Variants in SNX31 observed in about 807,000 individuals in gnomAD.
The protein encoded by SNX31 is sorting nexin-31.
In SNX31, 58 loss-of-function variants were observed where a neutral mutation model predicts 65.4. The observed-to-expected ratio is 0.89, with a 90% confidence interval of 0.72 to 1.10. The LOEUF (loss-of-function observed/expected upper bound fraction) is 1.10, where lower values mean the gene tolerates loss of function less well. Ranked by LOEUF, SNX31 falls within the 50% of genes least tolerant of loss-of-function variation. The pLI, the probability that SNX31 is intolerant of heterozygous loss-of-function variation, is 0.00. For missense variants in SNX31, 523 were observed against 529.7 expected, an observed-to-expected ratio of 0.99 and a Z score of 0.12; for synonymous variants, 181 against 190.1, an observed-to-expected ratio of 0.95 and a Z score of 0.39.
At chr8:100,628,814 GT>G (rs1818229751) in intron 4 of SNX31, among the ~76,000 whole-genome samples, 2 of 61,270 alleles carry the variant, frequency 3.3e-5, no homozygotes, top group African/African-American at 7.2e-5. Flanking sequence ...AATAAAATGG[GT>G]GTGTGTGTGT....
intron 10 of SNX31, 51 bp downstream of exon 10, chr8:100,596,588 G>A: frequency 6.7e-7 from 1 of 1,500,152 alleles, no homozygotes; most frequent in Non-Finnish European, 9.3e-7. Flanking sequence ...TGTCATCCAA[G>A]GGTACTAGGA....
intron 2 of SNX31, among the ~76,000 whole-genome samples, chr8:100,644,501 A>T: frequency 6.6e-6 from 1 of 152,122 alleles, no homozygotes; most frequent in East Asian, 1.9e-4. Context: ...GCCAGTTCAC[A>T]CAGCAGGAAG....
At chr8:100,633,173 C>T (rs1270523261) in intron 3 of SNX31, among the ~76,000 whole-genome samples, 1 of 152,100 alleles carries the variant, frequency 6.6e-6, no homozygotes, top group Admixed American at 6.5e-5. Context: ...AAGGGATCCT[C>T]CTGCCTTAAC....
intron 2 of SNX31, among the ~76,000 whole-genome samples, chr8:100,641,354 T>C (rs2131254111): frequency 6.6e-6 from 1 of 151,272 alleles, no homozygotes; most frequent in Non-Finnish European, 1.5e-5. Context: ...CTAGGTAACA[T>C]GGCAAGATGT....
At position 100,575,396 on chromosome 8, in the gene SNX31, C is replaced by A. The variant is rs1185122792; in HGVS notation, c.1228-1436G>T. 6.6e-6 allele frequency among the ~76,000 whole-genome samples: 1 copy of A among 152,192 alleles called. No homozygotes were observed. The highest frequency in any genetic ancestry group is 1.5e-5 in the Non-Finnish European group (1 of 68,034). ...TTCATGGCTCAGGATAAGGTCTATA[C>A]AACAGTTTGCAAAATAAATTAAAAC... On this transcript the variant is annotated intron_variant, in intron 13 of 13. Transcript: ENST00000311812. This position sits in a 1 kb window ranked among gnomAD's most constrained non-coding sequence, Gnocchi z 5.1.
At chr8:100,652,839 C>T (rs1819998231), upstream of SNX31, among the ~76,000 whole-genome samples, 1 of 152,094 alleles carries the variant, frequency 6.6e-6, no homozygotes, top group Admixed American at 6.6e-5. Flanking sequence ...GTCTGGTGCT[C>T]TACACCAGAG....
chr8:100,608,605 C>T (rs748105107), intron 7 of SNX31, 42 bp from the exon 8 acceptor site: 4 of 1,591,810 alleles, frequency 2.5e-6, no homozygotes, highest in Non-Finnish European at 3.4e-6. Flanking sequence ...TGTGACATGG[C>T]CCATGGGCAC....
At chr8:100,611,453 C>T (rs376354567) in intron 7 of SNX31, among the ~76,000 whole-genome samples, 3 of 152,168 alleles carry the variant, frequency 2.0e-5, no homozygotes, top group Non-Finnish European at 2.9e-5. Flanking sequence ...TACCCCACCC[C>T]GCCCTGAGTA....
At chr8:100,606,789 T>G (rs1410042912) in intron 8 of SNX31, among the ~76,000 whole-genome samples, 1 of 152,224 alleles carries the variant, frequency 6.6e-6, no homozygotes, top group Non-Finnish European at 1.5e-5. Context: ...AACCCACTAC[T>G]CAATCTTTTG....
chr8:100,607,361 C>G (rs1011602468), intron 8 of SNX31, among the ~76,000 whole-genome samples: 1 of 152,218 alleles, frequency 6.6e-6, no homozygotes, highest in Admixed American at 6.5e-5. Context: ...ATGTTGGCGG[C>G]AGCACCGGCT....
upstream of SNX31, among the ~76,000 whole-genome samples, chr8:100,652,455 T>TTCAGG (rs1427165449): frequency 4.6e-5 from 7 of 152,212 alleles, no homozygotes; most frequent in Non-Finnish European, 1.0e-4. Context: ...GTGCTTCTTA[T>TTCAGG]GAGCCAGGCG....
At chr8:100,606,416 C>T (rs1270099857) in intron 8 of SNX31, among the ~76,000 whole-genome samples, 1 of 152,136 alleles carries the variant, frequency 6.6e-6, no homozygotes, top group African/African-American at 2.4e-5. Flanking sequence ...CAATGGTGAA[C>T]ATTAAACATT....
chr8:100,663,210 T>A (rs1191243669), exon 1 of SNX31: 2 of 151,770 alleles, frequency 1.3e-5, no homozygotes, highest in Non-Finnish European at 2.9e-5. Flanking sequence ...CACCATGCAA[T>A]ATACTCCGTC....
At chr8:100,641,205 C>T (rs909825914) in intron 2 of SNX31, among the ~76,000 whole-genome samples, 14 of 152,118 alleles carry the variant, frequency 9.2e-5, no homozygotes, top group Admixed American at 5.2e-4. Flanking sequence ...ATTCCCACCA[C>T]TCTCCACTGT....
intron 2 of SNX31, among the ~76,000 whole-genome samples, chr8:100,642,912 C>A (rs1381704602): frequency 1.3e-5 from 2 of 151,978 alleles, no homozygotes; most frequent in South Asian, 4.2e-4. Context: ...CAGAACAGGG[C>A]GGGCGTGATG....
In SNX31 at chr8:100,649,487, A is replaced by T; in HGVS notation, c.28T>A (p.Ser10Thr). The change falls in exon 1 of 14, where the codon TCC becomes ACC. Residue 10 changes from serine (S) to threonine (T), a missense_variant. Physicochemically the swap from Ser to Thr is moderately conservative, Grantham distance 58. Transcript: ENST00000311812. ...CCCAGCGCGTCGGACCGCTGCTGGG[A>T]CACCGGGATACAGAAATGCATCTTC... MKMHFCIPV[S>T]QQRSDALGGR... 1 of 1,470,580 alleles carries T rather than the reference A, an allele frequency of 6.8e-7. No individual in the cohort carries two copies. Among genetic ancestry groups the T allele is most frequent in the African/African-American group, 1.4e-5 (1 of 70,068 alleles). 91.1% of individuals were successfully genotyped at this position (1,470,580 alleles called of 1,614,324 possible). A position where few individuals can be genotyped will look rare whatever the true frequency, so the allele number is the denominator to read the frequency against.
chr8:100,618,904 C>G (rs1390989759), intron 4 of SNX31: 1 of 153,924 alleles, frequency 6.5e-6, no homozygotes, highest in East Asian at 1.9e-4. Context: ...CTCCTCAAAC[C>G]CCATTGCTTA....
At chr8:100,574,474 T>C (rs1479124621) in intron 13 of SNX31, among the ~76,000 whole-genome samples, 2 of 150,092 alleles carry the variant, frequency 1.3e-5, no homozygotes, top group East Asian at 2.0e-4. Flanking sequence ...TCTAATAAAA[T>C]ACAAAAAAAT....
chr8:100,596,975 C>G (rs537487986), intron 9 of SNX31, 133 bp from the exon 10 acceptor site: 2 of 748,282 alleles, frequency 2.7e-6, no homozygotes, highest in Non-Finnish European at 4.5e-6. Context: ...ACAGTGAAAG[C>G]TCCTTTTCTT....
Sources: gnomAD v4.1 joint callset for allele counts (sites outside exome capture counted in the v4.1 genomes callset) on GRCh38, gnomAD v4.1.1 for gene constraint, Gnocchi (gnomAD v3.1) non-coding constraint, MANE v1.5 for transcripts, NCBI Gene and HGNC (gene_info 2026-07-23, HGNC 2026-07-21) for gene names.